ENO2: variants seen among roughly 807,000 people sequenced by gnomAD.
The protein encoded by ENO2 is gamma-enolase.
In ENO2, 19 loss-of-function variants were observed where a neutral mutation model predicts 48.7. The ratio of observed to expected loss-of-function variants is 0.39; its 90% CI spans 0.27 to 0.57. The LOEUF (loss-of-function observed/expected upper bound fraction) is 0.57, where lower values mean the gene tolerates loss of function less well. Among genes scored for constraint, ENO2 ranks in the 20% least tolerant of loss-of-function variants. ENO2 has a pLI of 0.58. For synonymous variants in ENO2, 198 were observed against 213.4 expected (o/e 0.93, Z 0.63); for missense variants, 416 against 555.0 (o/e 0.75, Z 2.52).
rs1330055309 is a variant in ENO2 at position 6,922,768 on chromosome 12, G to A, written c.1273G>A (p.Gly425Arg). The stretch of plus-strand genomic sequence containing the variant: ...GCTGGGGGATGAAGCTCGCTTTGCC[G>A]GACATAACTTCCGTAATCCCAGTGT... ...EELGDEARFA[G>R]HNFRNPSVL Residue 425 changes from glycine (G) to arginine (R), a missense_variant, in exon 12 of 12, where the codon GGA becomes AGA. Physicochemically the swap from Gly to Arg is moderately radical, Grantham distance 125 (BLOSUM62 -2). Transcript: ENST00000229277. This position sits in a 1 kb window ranked among gnomAD's most constrained non-coding sequence, Gnocchi z 5.3. The A allele has an allele frequency of 5.0e-6, 8 of 1,613,920 alleles. No homozygotes were observed. The highest frequency in any genetic ancestry group is 2.2e-5 in the South Asian group (2 of 91,078).
At chr12:6,921,369 G>C (rs1022835928) in intron 8 of ENO2, 18 of 534,652 alleles carry the variant, frequency 3.4e-5, no homozygotes, top group Non-Finnish European at 6.7e-6. Context: ...CTCCAGCCTG[G>C]ATGACAGAAT....
chr12:6,918,245 T>C (rs1219778644), intron 7 of ENO2, 83 bp downstream of exon 7: 26 of 1,421,822 alleles, frequency 1.8e-5, no homozygotes, highest in South Asian at 5.1e-5. Context: ...CACCAAGTCC[T>C]GAGTAGGCGT....
At chr12:6,917,772 A>G in intron 6 of ENO2, 58 bp downstream of exon 6, 1 of 1,601,778 alleles carries the variant, frequency 6.2e-7, no homozygotes. Context: ...GGAGCATGCA[A>G]CTCATGAGGA....
rs1434875167 is a variant in ENO2 at position 6,922,104 on chromosome 12, C to G, written c.1116C>G (p.Arg372=). Residue 372 remains arginine (R), a synonymous_variant, in exon 10 of 12, where the codon CGC becomes CGG. Transcript: ENST00000229277. This position sits in a 1 kb window ranked among gnomAD's most constrained non-coding sequence, Gnocchi z 5.3. ...GCTGGGGGGTCATGGTGAGTCATCG[C>G]TCAGGAGAGACTGAGGACACATTCA... The part of the protein sequence containing the change: ...ENGWGVMVSH[R]SGETEDTFIA... 1.9e-6 allele frequency: 3 copies of G among 1,614,126 alleles called. No individual in the cohort carries two copies. Among genetic ancestry groups the G allele is most frequent in the Non-Finnish European group, 2.5e-6 (3 of 1,180,028 alleles).
In ENO2 at chr12:6,916,339, G is replaced by T; in HGVS notation, c.86-78G>T. On this transcript the variant is annotated intron_variant, in intron 2 of 11. Coordinates refer to ENST00000229277, the MANE Select transcript of ENO2 (RefSeq NM_001975.3). This position sits in a 1 kb window ranked among gnomAD's most constrained non-coding sequence, Gnocchi z 4.5. ...GAGAGCTAGATGTGGTAGGCAGGCA[G>T]TTTAGAGCCAGAAGGCTGAAGGACT... 7.1e-7 allele frequency: 1 copy of T among 1,409,712 alleles called. No homozygotes were observed. The highest frequency in any genetic ancestry group is 9.7e-7 in the Non-Finnish European group (1 of 1,030,282). 87.3% of individuals were successfully genotyped at this position (1,409,712 alleles called of 1,614,324 possible). A position where few individuals can be genotyped will look rare whatever the true frequency, so the allele number is the denominator to read the frequency against.
chr12:6,916,513 G>A lies in ENO2; in HGVS notation c.181+1G>A. 6.2e-7 allele frequency: 1 copy of A among 1,613,992 alleles called. No individual in the cohort carries two copies. The highest frequency in any genetic ancestry group is 8.5e-7 in the Non-Finnish European group (1 of 1,179,944). ...GACAAACAGCGTTACTTAGGCAAAG[G>A]TGAGGTCCCTTCTCTTTTCCAGACT... On this transcript the variant is annotated splice_donor_variant, in intron 3 of 11. Transcript: ENST00000229277. LOFTEE classifies it high-confidence loss of function. This position sits in a 1 kb window ranked among gnomAD's most constrained non-coding sequence, Gnocchi z 4.5.
At chr12:6,919,955 G>A (rs556774377) in intron 8 of ENO2, among the ~76,000 whole-genome samples, 192 bp downstream of exon 8, 3 of 152,256 alleles carry the variant, frequency 2.0e-5, no homozygotes, top group African/African-American at 7.2e-5. Flanking sequence ...GCAGGTACCC[G>A]TGACCAATCT....
intron 5 of ENO2, 29 bp from the exon 6 acceptor site, chr12:6,917,552 G>A (rs782394611): frequency 1.9e-6 from 3 of 1,602,012 alleles, no homozygotes; most frequent in Non-Finnish European, 2.6e-6. Flanking sequence ...GGGACATTGT[G>A]CTCAGCACCT....
Position 6,922,644 on chromosome 12 carries a change from G to A in ENO2, c.1236-87G>A. 1 of 1,484,026 alleles carries A rather than the reference G, an allele frequency of 6.7e-7. No homozygotes were observed. Among genetic ancestry groups the A allele is most frequent in the Admixed American group, 1.7e-5 (1 of 59,616 alleles). The allele number at this position is 1,484,026 out of a possible 1,614,324, so 91.9% of individuals were successfully genotyped here. A position where few individuals can be genotyped will look rare whatever the true frequency, so the allele number is the denominator to read the frequency against. ...AGGACACAAAAGCAGGTGGTGTGGGGGTGGTTGGAGTCTGGGGGACCCCTA... is the reference window on the plus strand; with the variant it reads ...AGGACACAAAAGCAGGTGGTGTGGGAGTGGTTGGAGTCTGGGGGACCCCTA... On this transcript the variant is annotated intron_variant, in intron 11 of 11. Coordinates refer to ENST00000229277, the MANE Select transcript of ENO2 (RefSeq NM_001975.3). This position sits in a 1 kb window ranked among gnomAD's most constrained non-coding sequence, Gnocchi z 5.3.
intron 7 of ENO2, among the ~76,000 whole-genome samples, chr12:6,918,432 G>A (rs1258651393): frequency 4.0e-5 from 6 of 150,730 alleles, no homozygotes; most frequent in Non-Finnish European, 5.9e-5. Context: ...CTCACTGCAA[G>A]CTCCGCCTCC....
intron 7 of ENO2, among the ~76,000 whole-genome samples, chr12:6,918,797 C>A (rs1019043137): frequency 2.0e-5 from 3 of 150,898 alleles, no homozygotes; most frequent in Non-Finnish European, 4.4e-5. Context: ...GCCTGGCCAA[C>A]AAGGTGAAAC....
chr12:6,919,582 G>C lies in ENO2; in HGVS notation c.684G>C (p.Lys228Asn), dbSNP rs782707843. 1.9e-6 allele frequency: 3 copies of C among 1,614,132 alleles called. No homozygotes were observed. The highest frequency in any genetic ancestry group is 1.1e-5 in the South Asian group (1 of 91,074). ...LENSEALELV[K>N]EAIDKAGYTE... ...TGTCCCCAGCCTTGGAGCTGGTGAAGGAAGCCATCGACAAGGCTGGCTACA... is the reference window on the plus strand; with the variant it reads ...TGTCCCCAGCCTTGGAGCTGGTGAACGAAGCCATCGACAAGGCTGGCTACA... The change falls in exon 8 of 12, where the codon AAG becomes AAC. Residue 228 changes from lysine (K) to asparagine (N), a missense_variant. By Grantham distance (94) the Lys-to-Asn change is moderately conservative. Coordinates refer to ENST00000229277, the MANE Select transcript of ENO2 (RefSeq NM_001975.3).
rs1555141752 is a variant in ENO2 at position 6,917,674 on chromosome 12, C to T, written c.404C>T (p.Ala135Val). Residue 135 changes from alanine (A) to valine (V), a missense_variant, in exon 6 of 12, where the codon GCT becomes GTT. Physicochemically the swap from Ala to Val is moderately conservative, Grantham distance 64. Coordinates refer to ENST00000229277, the MANE Select transcript of ENO2 (RefSeq NM_001975.3). ...ERELPLYRHIAQLAGNSDLIL... is the reference protein window; with the variant it reads ...ERELPLYRHIVQLAGNSDLIL... ...GAACTGCCCCTGTATCGCCACATTG[C>T]TCAGCTGGCCGGGAACTCAGACCTC... 2 of 1,589,642 alleles carry T rather than the reference C, an allele frequency of 1.3e-6. No homozygotes were observed. Among genetic ancestry groups the T allele is most frequent in the East Asian group, 2.3e-5 (1 of 43,376 alleles).
intron 2 of ENO2, 66 bp downstream of exon 2, chr12:6,915,983 G>C: frequency 6.4e-7 from 1 of 1,561,928 alleles, no homozygotes; most frequent in Non-Finnish European, 8.8e-7. Context: ...GGTTCGGCCA[G>C]GGGTTCGGAG....
rs781985065 is a variant in ENO2 at position 6,916,641 on chromosome 12, C to T, written c.182-30C>T. The T allele has an allele frequency of 2.1e-5, 34 of 1,613,820 alleles. No homozygotes were observed. Among genetic ancestry groups the T allele is most frequent in the South Asian group, 3.3e-5 (3 of 91,068 alleles). ...TGATCCCTTCCGGCCCCTCCTGGCC[C>T]GACCCAGTCCAGCCTCTTCCTTTCC... On this transcript the variant is annotated intron_variant, in intron 3 of 11. Transcript: ENST00000229277. This position sits in a 1 kb window ranked among gnomAD's most constrained non-coding sequence, Gnocchi z 4.5.
Position 6,922,766 on chromosome 12 carries a change from C to T in ENO2, c.1271C>T (p.Ala424Val), listed in dbSNP as rs782125293. Residue 424 changes from alanine to valine, a missense_variant, in exon 12 of 12, where the codon GCC (alanine) becomes GTC (valine). Physicochemically the swap from Ala to Val is moderately conservative, Grantham distance 64. Coordinates refer to ENST00000229277, the MANE Select transcript of ENO2 (RefSeq NM_001975.3). The surrounding 1 kb of genome is among the most constrained non-coding windows in gnomAD (Gnocchi z 5.3). ...GAGCTGGGGGATGAAGCTCGCTTTG[C>T]CGGACATAACTTCCGTAATCCCAGT... ...EEELGDEARF[A>V]GHNFRNPSVL 3.1e-6 allele frequency: 5 copies of T among 1,614,098 alleles called. No homozygotes were observed. The East Asian group carries it at 1.1e-4, about 36-fold the overall frequency.
intron 9 of ENO2, 86 bp downstream of exon 9, chr12:6,921,868 G>A: frequency 1.3e-6 from 2 of 1,560,130 alleles, no homozygotes; most frequent in Non-Finnish European, 8.7e-7. Context: ...CTACCCAGGG[G>A]TGCCAAAGAG....
rs1555141532 is a variant in ENO2 at position 6,915,815 on chromosome 12, G to A, written c.-12-6G>A. On this transcript the variant is annotated splice_polypyrimidine_tract_variant and splice_region_variant and intron_variant, in intron 1 of 11. Coordinates refer to ENST00000229277, the MANE Select transcript of ENO2 (RefSeq NM_001975.3). ...CTTTCTCCTTCCTTCCCTTCCACCC[G>A]AGGAGATCCCAGCCATCATGTCCAT... 1 of 1,587,298 alleles carries A rather than the reference G, an allele frequency of 6.3e-7. No homozygotes were observed. Among genetic ancestry groups the A allele is most frequent in the Admixed American group, 1.7e-5 (1 of 58,546 alleles).
Position 6,916,195 on chromosome 12 carries a change from G to C in ENO2, c.86-222G>C, listed in dbSNP as rs375389852. On this transcript the variant is annotated intron_variant, in intron 2 of 11. Transcript: ENST00000229277. This position sits in a 1 kb window ranked among gnomAD's most constrained non-coding sequence, Gnocchi z 4.5. Reference sequence around the variant, plus strand: ...GTGCTGCAAGCAATTTTCTTTCTGCGGGCTCCCACTTGTGCATGTGGGGCC... The same window carrying C: ...GTGCTGCAAGCAATTTTCTTTCTGCCGGCTCCCACTTGTGCATGTGGGGCC... 4.0e-5 allele frequency among the ~76,000 whole-genome samples: 6 copies of C among 151,530 alleles called. No individual in the cohort carries two copies. Among genetic ancestry groups the C allele is most frequent in the African/African-American group, 7.3e-5 (3 of 41,240 alleles).
Sources: gnomAD v4.1 joint callset for allele counts (sites outside exome capture counted in the v4.1 genomes callset) on GRCh38, gnomAD v4.1.1 for gene constraint, Gnocchi (gnomAD v3.1) non-coding constraint, MANE v1.5 for transcripts, NCBI Gene and HGNC (gene_info 2026-07-23, HGNC 2026-07-21) for gene names.